Variants in ALPL observed in about 807,000 individuals in gnomAD.
ALPL encodes the protein alkaline phosphatase, biomineralization associated, also known as alkaline phosphatase, tissue-nonspecific isozyme.
A neutral mutation model predicts 51.3 loss-of-function variants in ALPL; 42 were observed. That is an observed-to-expected ratio of 0.82 (90% CI 0.64 to 1.06). The LOEUF (loss-of-function observed/expected upper bound fraction) is 1.06. ALPL is among the 50% of genes least tolerant of loss of function. The pLI, the probability that ALPL is intolerant of heterozygous loss-of-function variation, is 0.00. For missense variants in ALPL, 589 were observed against 709.4 expected (o/e 0.83, Z 1.93); for synonymous variants, 279 against 296.4 (o/e 0.94, Z 0.60).
At chr1:21,537,021 T>C (rs1416433440) in intron 1 of ALPL, among the ~76,000 whole-genome samples, 1 of 150,730 alleles carries the variant, frequency 6.6e-6, no homozygotes, top group African/African-American at 2.4e-5. Flanking sequence ...CTTAGCCTCC[T>C]GAGTAGCTGG....
At position 21,553,509 on chromosome 1, in the gene ALPL, C is replaced by A. The variant is rs56684256; in HGVS notation, c.-104-469C>A. Among the ~76,000 whole-genome samples the A allele has an allele frequency of 2.0e-5, 3 of 152,312 alleles. No individual in the cohort carries two copies. In the East Asian group the frequency reaches 5.8e-4, roughly 29 times the overall value. ...AGGCTGAAGACCGAGTGCTGTAGAA[C>A]AGGGCTTCTCAAGGTGTGGTCCGCA... On this transcript the variant is annotated intron_variant, in intron 1 of 11. Transcript: ENST00000374840.
At chr1:21,533,795 C>T (rs1428956866) in intron 1 of ALPL, among the ~76,000 whole-genome samples, 2 of 151,782 alleles carry the variant, frequency 1.3e-5, no homozygotes, top group East Asian at 1.9e-4. Flanking sequence ...TGGTCGTGGG[C>T]GCCTGTAATC....
chr1:21,553,989 C>A lies in ALPL; in HGVS notation c.-93C>A. The A allele has an allele frequency of 9.8e-7, 1 of 1,017,852 alleles. No individual in the cohort carries two copies. Among genetic ancestry groups the A allele is most frequent in the Non-Finnish European group, 1.6e-6 (1 of 637,976 alleles). 63.1% of individuals were successfully genotyped at this position (1,017,852 alleles called of 1,614,324 possible). On this transcript the variant is annotated 5_prime_UTR_variant, in exon 2 of 12. Transcript: ENST00000374840. ...TTTTTAATTTCTAGGATTGGAACAT[C>A]AGTTAACATCTGACCACTGCCAGCC...
Position 21,564,178 on chromosome 1 carries a change from A to G in ALPL, c.610A>G (p.Ile204Val), listed in dbSNP as rs374558572. 8 of 1,613,924 alleles carry G rather than the reference A, an allele frequency of 5.0e-6. No individual in the cohort carries two copies. In the African/African-American group the frequency reaches 8.0e-5, roughly 16 times the overall value. Residue 204 changes from isoleucine (I) to valine (V), a missense_variant, in exon 6 of 12, where the codon ATC becomes GTC. Physicochemically the swap from Ile to Val is conservative, Grantham distance 29. Coordinates refer to ENST00000374840, the MANE Select transcript of ALPL (RefSeq NM_000478.6). This position sits in a 1 kb window ranked among gnomAD's most constrained non-coding sequence, Gnocchi z 5.8. ...GGCCTTGAGCCAGGGCTGTAAGGAC[A>G]TCGCCTACCAGCTCATGCATAACAT... is the stretch of plus-strand genomic sequence containing the variant. The part of the protein sequence containing the change: ...PEALSQGCKD[I>V]AYQLMHNIRD...
intron 1 of ALPL, among the ~76,000 whole-genome samples, chr1:21,529,260 CT>C (rs941934503): frequency 1.9e-4 from 28 of 144,874 alleles, no homozygotes; most frequent in Non-Finnish European, 2.3e-4. Context: ...TGTTCTGTTT[CT>C]TTTTTTTTTT....
intron 2 of ALPL, among the ~76,000 whole-genome samples, chr1:21,554,824 T>C (rs1435629864): frequency 9.7e-6 from 1 of 102,962 alleles, no homozygotes; most frequent in African/African-American, 3.7e-5. Flanking sequence ...TGTCTTTCTT[T>C]CTTTCTTTCT....
chr1:21,522,848 T>C (rs755592306), intron 1 of ALPL, among the ~76,000 whole-genome samples: 25 of 152,184 alleles, frequency 1.6e-4, no homozygotes, highest in Non-Finnish European at 3.2e-4. Flanking sequence ...TAAATCATTG[T>C]AACAGTAACA....
chr1:21,559,943 TAA>T (rs1246095698), intron 2 of ALPL, among the ~76,000 whole-genome samples: 12 of 152,144 alleles, frequency 7.9e-5, no homozygotes, highest in Admixed American at 7.9e-4. Flanking sequence ...CTCAAAACCA[TAA>T]AGCCCCAGCC....
At chr1:21,553,879 G>A (rs757762301) in intron 1 of ALPL, 99 bp from the exon 2 acceptor site, 86 of 617,506 alleles carry the variant, frequency 1.4e-4, no homozygotes, top group Non-Finnish European at 2.4e-4. Flanking sequence ...GGTGCTCACC[G>A]AATACTTGTT....
chr1:21,524,969 G>A (rs12751736), intron 1 of ALPL, among the ~76,000 whole-genome samples: 35,402 of 152,166 alleles, frequency 0.23, 5,183 homozygotes, highest in South Asian at 0.42. Flanking sequence ...CGTAAGTGGG[G>A]GATTGGTCCA....
intron 7 of ALPL, among the ~76,000 whole-genome samples, chr1:21,569,448 C>A (rs1483848521): frequency 1.3e-5 from 2 of 152,166 alleles, no homozygotes; most frequent in Non-Finnish European, 2.9e-5. Flanking sequence ...GTCAGTTTCA[C>A]CTTTACCATT....
At chr1:21,560,869 G>A in intron 3 of ALPL, 124 bp downstream of exon 3, 1 of 1,323,166 alleles carries the variant, frequency 7.6e-7, no homozygotes, top group Non-Finnish European at 1.1e-6. Flanking sequence ...GTGTTTAAAA[G>A]GATGAGGGGC....
chr1:21,564,296 C>A lies in ALPL; in HGVS notation c.648+80C>A, dbSNP rs2148162233. The A allele has an allele frequency of 1.3e-6, 2 of 1,564,310 alleles. No homozygotes were observed. Among genetic ancestry groups the A allele is most frequent in the South Asian group, 1.1e-5 (1 of 88,908 alleles). ...GCAGGAGGCCTCAGGCCCAGGCTGGCCCGGAGAAAGCAGCCTGGCCTGGCT... is the reference window on the plus strand; with the variant it reads ...GCAGGAGGCCTCAGGCCCAGGCTGGACCGGAGAAAGCAGCCTGGCCTGGCT... On this transcript the variant is annotated intron_variant, in intron 6 of 11. Transcript: ENST00000374840. This position sits in a 1 kb window ranked among gnomAD's most constrained non-coding sequence, Gnocchi z 5.8.
At chr1:21,541,434 C>T (rs1479566586) in intron 1 of ALPL, among the ~76,000 whole-genome samples, 5 of 152,230 alleles carry the variant, frequency 3.3e-5, no homozygotes, top group Non-Finnish European at 7.3e-5. Context: ...CAGCATCCAT[C>T]TTCACTGCTG....
chr1:21,539,817 G>A (rs1179153204), intron 1 of ALPL, among the ~76,000 whole-genome samples: 1 of 152,018 alleles, frequency 6.6e-6, no homozygotes, highest in East Asian at 1.9e-4. Flanking sequence ...ACCCAGCCCA[G>A]CTAATTTTTT....
At chr1:21,535,917 G>A (rs954993630) in intron 1 of ALPL, among the ~76,000 whole-genome samples, 3 of 152,206 alleles carry the variant, frequency 2.0e-5, no homozygotes, top group Non-Finnish European at 4.4e-5. Context: ...ACCTTGCTGA[G>A]TCTCTACTTT....
intron 1 of ALPL, among the ~76,000 whole-genome samples, chr1:21,547,365 G>T (rs892138216): frequency 7.2e-5 from 11 of 152,094 alleles, no homozygotes; most frequent in Non-Finnish European, 1.6e-4. Context: ...GTGTGTGCAG[G>T]GCGTGGTGGC....
upstream of ALPL, chr1:21,509,321 C>T (rs1302589267): frequency 4.4e-5 from 2 of 45,944 alleles, no homozygotes; most frequent in African/African-American, 1.7e-4. The surrounding 1 kb of genome is among the most constrained non-coding windows in gnomAD (Gnocchi z 6.0). Flanking sequence ...CGGGGCCGGG[C>T]TGGGGAGGGG....
In ALPL at chr1:21,575,774, CAGGCCCTGCATG is replaced by C. The variant is rs750033024; in HGVS notation, c.1044_1055del (p.Leu349_Ala352del). 1.9e-6 allele frequency: 3 copies of C among 1,614,200 alleles called. No individual in the cohort carries two copies. The highest frequency in any genetic ancestry group is 2.5e-6 in the Non-Finnish European group (3 of 1,180,034). The stretch of plus-strand genomic sequence containing the variant: ...CGGGCACCATGAAGGAAAAGCCAAG[CAGGCCCTGCATG>C]AGGCGGTGGAGATGGACCGGGCCAT... On this transcript the variant is annotated inframe_deletion, in exon 10 of 12. Transcript: ENST00000374840.
Sources: gnomAD v4.1 joint callset for allele counts (sites outside exome capture counted in the v4.1 genomes callset) on GRCh38, gnomAD v4.1.1 for gene constraint, Gnocchi (gnomAD v3.1) non-coding constraint, MANE v1.5 for transcripts, NCBI Gene and HGNC (gene_info 2026-07-23, HGNC 2026-07-21) for gene names.